Variants in KCNK9 observed in about 807,000 individuals in gnomAD.
The protein encoded by KCNK9 is potassium two pore domain channel subfamily K member 9.
In KCNK9, 1 loss-of-function variant was observed where a neutral mutation model predicts 10.8. The observed-to-expected ratio is 0.09, with a 90% confidence interval of 0.03 to 0.44. The LOEUF (loss-of-function observed/expected upper bound fraction) is 0.44, where lower values mean the gene tolerates loss of function less well. KCNK9 is among the 20% of genes least tolerant of loss of function. The probability of loss-of-function intolerance (pLI) is 0.97; values close to 1 mark genes in which losing one functional copy is unlikely to be tolerated. For missense variants in KCNK9, 303 were observed against 515.0 expected (o/e 0.59, Z 3.98); for synonymous variants, 231 against 222.7 (o/e 1.04, Z -0.33).
At chr8:139,646,317 T>A (rs933376115) in intron 1 of KCNK9, among the ~76,000 whole-genome samples, 1 of 152,240 alleles carries the variant, frequency 6.6e-6, no homozygotes, top group African/African-American at 2.4e-5. Flanking sequence ...AACGGACACA[T>A]TGCCAAATTC....
At chr8:139,615,552 A>G (rs1421666087), downstream of KCNK9, among the ~76,000 whole-genome samples, 1 of 152,028 alleles carries the variant, frequency 6.6e-6, no homozygotes, top group Non-Finnish European at 1.5e-5. Context: ...ACCAAGCAAA[A>G]CCAAGATTTG....
intron 1 of KCNK9, among the ~76,000 whole-genome samples, chr8:139,684,673 C>G (rs1816753324): frequency 6.6e-6 from 1 of 152,172 alleles, no homozygotes; most frequent in Admixed American, 6.6e-5. Flanking sequence ...ATGCATCCAA[C>G]CACATAGCTT....
rs1563716841 is a variant in KCNK9, at chr8:139,618,375, C to T, written c.1008G>A (p.Glu336=). The change falls in exon 2 of 2, where the codon GAG becomes GAA. Residue 336 remains glutamate (E), a synonymous_variant. Coordinates refer to ENST00000520439, the MANE Select transcript of KCNK9 (RefSeq NM_001282534.2). This position sits in a 1 kb window ranked among gnomAD's most constrained non-coding sequence, Gnocchi z 7.9. The part of the protein sequence containing the change: ...YFHSISYKIE[E]ISPSTLKNSL... ...TGTTTTTTAATGTGCTTGGTGAGAT[C>T]TCCTCGATCTTGTAAGAGATGGAGT... 3.7e-6 allele frequency: 6 copies of T among 1,614,100 alleles called. No homozygotes were observed. The African/African-American group carries it at 4.0e-5, about 11-fold the overall frequency.
At chr8:139,664,387 G>C (rs1816244961) in intron 1 of KCNK9, among the ~76,000 whole-genome samples, 1 of 141,050 alleles carries the variant, frequency 7.1e-6, no homozygotes. Context: ...TTCCCAGCCA[G>C]GCAAAGCCCT....
intron 1 of KCNK9, among the ~76,000 whole-genome samples, chr8:139,691,741 T>C (rs2129795506): frequency 6.6e-6 from 1 of 152,288 alleles, no homozygotes; most frequent in Non-Finnish European, 1.5e-5. Flanking sequence ...ATGTGTGATG[T>C]AAACTTAAAG....
At chr8:139,651,070 T>G (rs1815847906) in intron 1 of KCNK9, among the ~76,000 whole-genome samples, 1 of 152,076 alleles carries the variant, frequency 6.6e-6, no homozygotes, top group African/African-American at 2.4e-5. Context: ...TGCAAGGCTA[T>G]CAGGGTGGAT....
chr8:139,691,076 C>T (rs891392290), intron 1 of KCNK9, among the ~76,000 whole-genome samples: 1 of 152,248 alleles, frequency 6.6e-6, no homozygotes, highest in Non-Finnish European at 1.5e-5. Context: ...ACACACGGCA[C>T]CCTTCCCCAC....
At chr8:139,687,634 ACATATGTATACATATATATT>A (rs1293917557) in intron 1 of KCNK9, among the ~76,000 whole-genome samples, 4 of 34,764 alleles carry the variant, frequency 1.2e-4, no homozygotes, top group Non-Finnish European at 2.2e-4. Context: ...TCATATGTAT[ACATATGTATACATATATATT>A]CATATGTATA....
intron 1 of KCNK9, among the ~76,000 whole-genome samples, chr8:139,679,497 AT>A (rs1472971494): frequency 6.6e-6 from 1 of 152,224 alleles, no homozygotes; most frequent in Non-Finnish European, 1.5e-5. Context: ...CAGTCTAGCG[AT>A]CATTCAGCCC....
intron 1 of KCNK9, among the ~76,000 whole-genome samples, chr8:139,657,097 T>C (rs942312250): frequency 2.6e-5 from 4 of 152,204 alleles, no homozygotes; most frequent in Admixed American, 1.3e-4. Flanking sequence ...AACTCTTCTT[T>C]TGAGGCTCAG....
chr8:139,657,581 C>T (rs1816052503), intron 1 of KCNK9, among the ~76,000 whole-genome samples: 2 of 152,128 alleles, frequency 1.3e-5, no homozygotes, highest in South Asian at 4.1e-4. Flanking sequence ...CCCCCCAGAG[C>T]CAGAGAGCAA....
intron 1 of KCNK9, among the ~76,000 whole-genome samples, chr8:139,692,637 C>T (rs183867433): frequency 6.6e-6 from 1 of 152,198 alleles, no homozygotes; most frequent in Non-Finnish European, 1.5e-5. Flanking sequence ...GGAAACCGCA[C>T]AGGGAGAGCC....
At chr8:139,624,216 G>A (rs931098111) in intron 1 of KCNK9, among the ~76,000 whole-genome samples, 12 of 152,280 alleles carry the variant, frequency 7.9e-5, no homozygotes, top group Middle Eastern at 3.4e-3. Context: ...AGTTAGACAC[G>A]CCTGCCTTTG....
intron 1 of KCNK9, among the ~76,000 whole-genome samples, chr8:139,696,503 T>A (rs1003158059): frequency 5.3e-5 from 8 of 152,188 alleles, no homozygotes; most frequent in Non-Finnish European, 1.2e-4. Flanking sequence ...GAGGCTCTAA[T>A]GAGGGTACTG....
At chr8:139,629,536 C>G (rs1815095216) in intron 1 of KCNK9, among the ~76,000 whole-genome samples, 1 of 152,210 alleles carries the variant, frequency 6.6e-6, no homozygotes, top group African/African-American at 2.4e-5. Context: ...AGATGCAGTC[C>G]TGACGGGCAT....
At chr8:139,644,675 C>G (rs1365518279) in intron 1 of KCNK9, among the ~76,000 whole-genome samples, 1 of 151,880 alleles carries the variant, frequency 6.6e-6, no homozygotes, top group African/African-American at 2.4e-5. Context: ...GAGCATGGGA[C>G]CAGACCAGAC....
intron 1 of KCNK9, among the ~76,000 whole-genome samples, chr8:139,656,985 A>G (rs1376911163): frequency 1.3e-5 from 2 of 152,110 alleles, no homozygotes; most frequent in Non-Finnish European, 2.9e-5. Context: ...TGGCCTCAGT[A>G]CCCATTCCAA....
At chr8:139,680,355 C>T (rs1444784345) in intron 1 of KCNK9, among the ~76,000 whole-genome samples, 3 of 152,188 alleles carry the variant, frequency 2.0e-5, no homozygotes, top group African/African-American at 7.2e-5. Context: ...GCCCCTTCAC[C>T]TTCCCCAGGA....
chr8:139,688,402 A>G (rs1295302911), intron 1 of KCNK9, among the ~76,000 whole-genome samples: 1 of 152,222 alleles, frequency 6.6e-6, no homozygotes, highest in Non-Finnish European at 1.5e-5. Context: ...GAAGCAGGCA[A>G]CTTCTTCACA....
Sources: allele counts gnomAD v4.1 joint callset (sites outside exome capture counted in the v4.1 genomes callset), GRCh38; gene constraint gnomAD v4.1.1; non-coding constraint Gnocchi (gnomAD v3.1); transcripts MANE v1.5; gene names NCBI Gene and HGNC (gene_info 2026-07-23, HGNC 2026-07-21).